Variants in EMSY observed in about 807,000 individuals in gnomAD.
The protein encoded by EMSY is EMSY transcriptional repressor, BRCA2 interacting, also known as BRCA2-interacting transcriptional repressor EMSY.
EMSY carries 26 observed loss-of-function variants against 134.6 expected under a neutral mutation model. The ratio of observed to expected loss-of-function variants is 0.19; its 90% CI spans 0.14 to 0.27. The LOEUF (loss-of-function observed/expected upper bound fraction) is 0.27. Ranked by LOEUF, EMSY falls within the 10% of genes least tolerant of loss-of-function variation. EMSY has a pLI of 1.00. For synonymous variants in EMSY, 579 were observed against 577.8 expected (o/e 1.00, Z -0.03); for missense variants, 1,305 against 1,611.4 (o/e 0.81, Z 3.26).
chr11:76,477,007 T>C (rs1447246592), intron 8 of EMSY, among the ~76,000 whole-genome samples: 2 of 152,236 alleles, frequency 1.3e-5, no homozygotes, highest in African/African-American at 2.4e-5. Context: ...TTTGTATTTT[T>C]TTCTGTCCTG....
Position 76,549,934 on chromosome 11 carries a change from C to G in EMSY, c.3775-18C>G, listed in dbSNP as rs374017921. The stretch of plus-strand genomic sequence containing the variant: ...ACCTTTTCTTACCATAAAGATTCTC[C>G]TGTGTCTTCTCTTCCAGGCTATTCC... On this transcript the variant is annotated intron_variant, in intron 20 of 20. Transcript: ENST00000334736. The G allele has an allele frequency of 2.6e-6, 4 of 1,566,290 alleles. No homozygotes were observed. In the African/African-American group the frequency reaches 5.5e-5, roughly 21 times the overall value.
At chr11:76,493,204 G>A (rs1949494964) in intron 8 of EMSY, among the ~76,000 whole-genome samples, 1 of 152,202 alleles carries the variant, frequency 6.6e-6, no homozygotes, top group Non-Finnish European at 1.5e-5. Context: ...CACCACTTGG[G>A]GTGGCACTGA....
chr11:76,546,615 C>T (rs1231876949), intron 20 of EMSY, among the ~76,000 whole-genome samples: 1 of 152,110 alleles, frequency 6.6e-6, no homozygotes, highest in African/African-American at 2.4e-5. Context: ...TTAAGTCAAC[C>T]CAGAAGATAG....
intron 8 of EMSY, among the ~76,000 whole-genome samples, chr11:76,476,453 T>G (rs1948772390): frequency 6.6e-6 from 1 of 152,226 alleles, no homozygotes; most frequent in African/African-American, 2.4e-5. Context: ...TTGCTTACCC[T>G]GAGGTACAAT....
intron 8 of EMSY, among the ~76,000 whole-genome samples, chr11:76,478,578 T>C (rs1408022276): frequency 1.3e-5 from 2 of 151,892 alleles, no homozygotes; most frequent in African/African-American, 4.8e-5. Flanking sequence ...CCTGACCTCA[T>C]GATCCACCTG....
chr11:76,471,349 C>T (rs537098673), intron 7 of EMSY, among the ~76,000 whole-genome samples: 56 of 152,268 alleles, frequency 3.7e-4, no homozygotes, highest in African/African-American at 1.3e-3. Flanking sequence ...CCTGATAAGT[C>T]TCCTTTATTC....
intron 7 of EMSY, among the ~76,000 whole-genome samples, chr11:76,468,974 G>T (rs999031545): frequency 3.9e-5 from 6 of 152,124 alleles, no homozygotes; most frequent in Non-Finnish European, 7.3e-5. Flanking sequence ...TCCTCCTGTT[G>T]TAATGAGTAA....
intron 11 of EMSY, among the ~76,000 whole-genome samples, chr11:76,520,470 G>A (rs914615982): frequency 6.6e-6 from 1 of 152,266 alleles, no homozygotes; most frequent in Admixed American, 6.5e-5. Context: ...GGTCTATAGA[G>A]TTAATCACAT....
chr11:76,496,309 T>C, exon 9 of EMSY: 1 of 1,614,152 alleles, frequency 6.2e-7, no homozygotes, highest in Non-Finnish European at 8.5e-7. Flanking sequence ...CACAGTTCCC[T>C]AAACAACATC....
At chr11:76,484,096 C>G (rs1949087048) in intron 8 of EMSY, among the ~76,000 whole-genome samples, 1 of 152,222 alleles carries the variant, frequency 6.6e-6, no homozygotes. Flanking sequence ...TTAAGAAACT[C>G]ACTCAAACCT....
At chr11:76,550,054 G>C (rs1951792337) in exon 21 of EMSY, 2 of 1,613,852 alleles carry the variant, frequency 1.2e-6, no homozygotes, top group African/African-American at 1.3e-5. Context: ...ACAGCTGGAT[G>C]ATGAGGAGAC....
chr11:76,544,741 A>G, exon 19 of EMSY: 1 of 1,614,160 alleles, frequency 6.2e-7, no homozygotes. Flanking sequence ...CTCCGAACCA[A>G]CCAAAAATCT....
chr11:76,482,667 G>A (rs901189573), intron 8 of EMSY, among the ~76,000 whole-genome samples: 1 of 152,070 alleles, frequency 6.6e-6, no homozygotes, highest in African/African-American at 2.4e-5. Flanking sequence ...GAAGATCAAC[G>A]TAATGAAATG....
exon 21 of EMSY, chr11:76,550,063 A>T (rs2136928643): frequency 6.2e-7 from 1 of 1,613,928 alleles, no homozygotes; most frequent in South Asian, 1.1e-5. Flanking sequence ...TGATGAGGAG[A>T]CAGCAATGGA....
intron 6 of EMSY, among the ~76,000 whole-genome samples, chr11:76,461,800 C>T (rs751071085): frequency 1.6e-4 from 24 of 152,100 alleles, no homozygotes; most frequent in Non-Finnish European, 1.8e-4. Context: ...GGTGTGGTGG[C>T]GGGCGCCTGT....
At chr11:76,499,399 T>G (rs1460234626) in intron 9 of EMSY, among the ~76,000 whole-genome samples, 1 of 142,768 alleles carries the variant, frequency 7.0e-6, no homozygotes, top group Non-Finnish European at 1.5e-5. Context: ...ACCATTCTCC[T>G]GCCTCAGCCT....
At chr11:76,471,762 G>A (rs1431609891) in intron 7 of EMSY, among the ~76,000 whole-genome samples, 2 of 151,972 alleles carry the variant, frequency 1.3e-5, no homozygotes, top group African/African-American at 4.8e-5. Context: ...GCTCTTACAT[G>A]GTTTAGTCCT....
chr11:76,546,735 A>G (rs1951668755), intron 20 of EMSY, among the ~76,000 whole-genome samples: 1 of 152,222 alleles, frequency 6.6e-6, no homozygotes, highest in Non-Finnish European at 1.5e-5. Flanking sequence ...CTTTTCTTGG[A>G]AAAACAGTTC....
rs1230507969 is a variant in EMSY at position 76,524,744 on chromosome 11, C to T, written c.1821+1453C>T. 9.8e-5 allele frequency among the ~76,000 whole-genome samples: 15 copies of T among 152,304 alleles called. 1 individual carries two copies. Among genetic ancestry groups the T allele is most frequent in the Non-Finnish European group, 1.9e-4 (13 of 68,032 alleles). On this transcript the variant is annotated intron_variant, in intron 12 of 20. Transcript: ENST00000334736. ...TCAACGTATAAGACCGTTTTCTGGG[C>T]TGGGTGTGGAGGCTTATGCCTGTAA... is the stretch of plus-strand genomic sequence containing the variant.
Sources: gnomAD v4.1 joint callset for allele counts (sites outside exome capture counted in the v4.1 genomes callset) on GRCh38, gnomAD v4.1.1 for gene constraint, MANE v1.5 for transcripts, NCBI Gene and HGNC (gene_info 2026-07-23, HGNC 2026-07-21) for gene names.